The following STK33 variants were observed in gnomAD, a reference collection of about 807,000 sequenced individuals.
STK33 encodes the protein serine/threonine-protein kinase 33.
In STK33, 52 loss-of-function variants were observed where a neutral mutation model predicts 58.0. The ratio of observed to expected loss-of-function variants is 0.90; its 90% CI spans 0.72 to 1.13. STK33 has a LOEUF of 1.13. Among genes scored for constraint, STK33 ranks in the 50% most tolerant of loss-of-function variants. The probability of loss-of-function intolerance (pLI) is 0.00; values close to 1 mark genes in which losing one functional copy is unlikely to be tolerated. For synonymous variants in STK33, 215 were observed against 200.1 expected, an observed-to-expected ratio of 1.07 and a Z score of -0.63; for missense variants, 630 against 604.2, an observed-to-expected ratio of 1.04 and a Z score of -0.45.
At chr11:8,347,329 C>T in the STK33 span, among the ~76,000 whole-genome samples, 1 of 152,210 alleles carries the variant, frequency 6.6e-6, no homozygotes, top group Non-Finnish European at 1.5e-5. Context: ...GGTGCTGAGT[C>T]CTTGAAACCC....
intron 14 of STK33, among the ~76,000 whole-genome samples, chr11:8,428,503 A>G (rs957238796): frequency 6.6e-6 from 1 of 152,180 alleles, no homozygotes; most frequent in Admixed American, 6.5e-5. Context: ...AAGTTACTTT[A>G]GGTTTAATCT....
intron 1 of STK33, among the ~76,000 whole-genome samples, chr11:8,522,203 T>C (rs1415432173): frequency 1.3e-5 from 2 of 152,182 alleles, no homozygotes; most frequent in Non-Finnish European, 2.9e-5. Flanking sequence ...CTATTCACAA[T>C]AGCAAAGACT....
intron 1 of STK33, among the ~76,000 whole-genome samples, chr11:8,540,454 G>C (rs370476650): frequency 2.0e-5 from 3 of 151,962 alleles, no homozygotes; most frequent in African/African-American, 7.2e-5. Flanking sequence ...CTCTAGCCTG[G>C]GTGACAGAGC....
At chr11:8,571,366 CAT>C (rs1417489215) in intron 1 of STK33, among the ~76,000 whole-genome samples, 2 of 151,964 alleles carry the variant, frequency 1.3e-5, no homozygotes, top group Non-Finnish European at 2.9e-5. Flanking sequence ...TAAGCAAATT[CAT>C]AGAGATGGAA....
intron 1 of STK33, among the ~76,000 whole-genome samples, chr11:8,490,787 C>G (rs1950553140): frequency 6.6e-6 from 1 of 152,112 alleles, no homozygotes; most frequent in Admixed American, 6.5e-5. Flanking sequence ...CTGGTGATCC[C>G]CAGGGAAACA....
chr11:8,380,432 C>A, the STK33 span, among the ~76,000 whole-genome samples: 1 of 151,922 alleles, frequency 6.6e-6, no homozygotes, highest in Non-Finnish European at 1.5e-5. Flanking sequence ...TGGTCATGGG[C>A]ACCTGTAATC....
At chr11:8,552,789 G>A (rs1162454529) in intron 1 of STK33, among the ~76,000 whole-genome samples, 1 of 151,964 alleles carries the variant, frequency 6.6e-6, no homozygotes, top group Non-Finnish European at 1.5e-5. Context: ...CCTCCTGAAG[G>A]ACCTGCCTGA....
intron 1 of STK33, among the ~76,000 whole-genome samples, chr11:8,578,544 C>G (rs1333920427): frequency 4.6e-5 from 7 of 151,586 alleles, no homozygotes; most frequent in Non-Finnish European, 1.0e-4. Context: ...ATAAGGGTAA[C>G]ATTTTATTTA....
chr11:8,558,621 T>C (rs1956925138), intron 1 of STK33, among the ~76,000 whole-genome samples: 1 of 152,134 alleles, frequency 6.6e-6, no homozygotes, highest in African/African-American at 2.4e-5. Context: ...TGACACCAGA[T>C]GCGGGTGGGT....
At chr11:8,410,737 T>C (rs1475242573) in intron 15 of STK33, among the ~76,000 whole-genome samples, 2 of 152,148 alleles carry the variant, frequency 1.3e-5, no homozygotes, top group South Asian at 4.1e-4. Context: ...CCTCCCAAAG[T>C]GCTGGGATTA....
At chr11:8,360,405 C>T in the STK33 span, among the ~76,000 whole-genome samples, 2 of 152,200 alleles carry the variant, frequency 1.3e-5, no homozygotes, top group African/African-American at 2.4e-5. Flanking sequence ...AAGGCCTAGC[C>T]CCAGGTCCAC....
chr11:8,392,399 G>T lies in STK33; in HGVS notation c.*111C>A. ...CAAACACATGGCGGGGCTCTGTGGAGCTAAAAGGCTACAAGCTCAGCATAG... is the reference window on the plus strand; with the variant it reads ...CAAACACATGGCGGGGCTCTGTGGATCTAAAAGGCTACAAGCTCAGCATAG... On this transcript the variant is annotated 3_prime_UTR_variant, in exon 16 of 16. Transcript: ENST00000687296. 1 of 1,247,820 alleles carries T rather than the reference G, an allele frequency of 8.0e-7. No homozygotes were observed. The highest frequency in any genetic ancestry group is 1.1e-6 in the Non-Finnish European group (1 of 878,996). The allele number at this position is 1,247,820 out of a possible 1,614,324, so 77.3% of individuals were successfully genotyped here.
rs543277884 is a variant in STK33 at position 8,405,818 on chromosome 11, C to A, written c.1344+7677G>T. Reference sequence around the variant, plus strand: ...TTTATTAAAAAGACTATCATTTACCCCTTCGAATTGCTTTGAAATCTCTGT... The same window carrying A: ...TTTATTAAAAAGACTATCATTTACCACTTCGAATTGCTTTGAAATCTCTGT... On this transcript the variant is annotated intron_variant, in intron 15 of 15. Coordinates refer to ENST00000687296, the MANE Select transcript of STK33 (RefSeq NM_001352389.2). 2.0e-5 allele frequency among the ~76,000 whole-genome samples: 3 copies of A among 152,212 alleles called. No individual in the cohort carries two copies. In the East Asian group the frequency reaches 5.8e-4, roughly 29 times the overall value.
chr11:8,363,506 T>A, the STK33 span, among the ~76,000 whole-genome samples: 1 of 152,092 alleles, frequency 6.6e-6, no homozygotes, highest in Non-Finnish European at 1.5e-5. Flanking sequence ...CCCCATAGAT[T>A]AGTCTTGCCT....
At chr11:8,340,521 C>G in the STK33 span, among the ~76,000 whole-genome samples, 1 of 152,222 alleles carries the variant, frequency 6.6e-6, no homozygotes, top group Non-Finnish European at 1.5e-5. Context: ...GACTCTTGAA[C>G]TGTGATTATC....
the STK33 span, among the ~76,000 whole-genome samples, chr11:8,338,765 C>G: frequency 6.6e-6 from 1 of 152,210 alleles, no homozygotes. Context: ...AAGACCCCTT[C>G]TTCTGTCAGT....
chr11:8,386,618 G>C, the STK33 span, among the ~76,000 whole-genome samples: 1 of 152,206 alleles, frequency 6.6e-6, no homozygotes, highest in Non-Finnish European at 1.5e-5. Flanking sequence ...GCCCAGAGCA[G>C]ACGTCTCCCG....
intron 1 of STK33, among the ~76,000 whole-genome samples, chr11:8,588,373 A>G (rs1228530576): frequency 3.3e-5 from 5 of 152,212 alleles, no homozygotes; most frequent in African/African-American, 1.2e-4. Flanking sequence ...TGGAGTGACA[A>G]GGAATCAGCC....
intron 15 of STK33, among the ~76,000 whole-genome samples, chr11:8,405,270 G>A (rs1182557380): frequency 6.6e-6 from 1 of 152,098 alleles, no homozygotes; most frequent in African/African-American, 2.4e-5. Flanking sequence ...TTTAATTTTG[G>A]CCGTTCTAGA....
Sources: allele counts gnomAD v4.1 joint callset (sites outside exome capture counted in the v4.1 genomes callset), GRCh38; gene constraint gnomAD v4.1.1; transcripts MANE v1.5; gene names NCBI Gene and HGNC (gene_info 2026-07-23, HGNC 2026-07-21).